DOCK3: variants seen among roughly 807,000 people sequenced by gnomAD.
DOCK3 encodes dedicator of cytokinesis protein 3.
In DOCK3, 60 loss-of-function variants were observed where a neutral mutation model predicts 265.6. The ratio of observed to expected loss-of-function variants is 0.23; its 90% CI spans 0.18 to 0.28. DOCK3 has a LOEUF of 0.28. Among genes scored for constraint, DOCK3 ranks in the 10% least tolerant of loss-of-function variants. The pLI, the probability that DOCK3 is intolerant of heterozygous loss-of-function variation, is 1.00. For synonymous variants in DOCK3, 881 were observed against 938.0 expected (o/e 0.94, Z 1.11); for missense variants, 1,981 against 2,594.3 (o/e 0.76, Z 5.14).
At position 51,261,961 on chromosome 3, in the gene DOCK3, C is replaced by T. The variant is rs568883619; in HGVS notation, c.2355+1635C>T. On this transcript the variant is annotated intron_variant, in intron 23 of 52. Transcript: ENST00000266037. ...CCCATCTCCCTGGGATAGAACACCT[C>T]GGGGAAGGGGCAGCTGTGGGCACAG... Among the ~76,000 whole-genome samples, 9 of 152,226 alleles carry T rather than the reference C, an allele frequency of 5.9e-5. No individual in the cohort carries two copies. The South Asian group carries it at 1.2e-3, about 21-fold the overall frequency.
At chr3:51,342,842 G>A (rs139985711) in intron 38 of DOCK3, among the ~76,000 whole-genome samples, 27 of 152,288 alleles carry the variant, frequency 1.8e-4, no homozygotes, top group African/African-American at 5.8e-4. Flanking sequence ...CACCTTCTCA[G>A]GAATCTCCTC....
intron 12 of DOCK3, among the ~76,000 whole-genome samples, chr3:51,204,197 GCAAAAGAAACTAC>G (rs1423841653): frequency 6.8e-6 from 1 of 146,984 alleles, no homozygotes; most frequent in African/African-American, 2.5e-5. Flanking sequence ...CTTCTGCACA[GCAAAAGAAACTAC>G]CATCAGAGTG....
chr3:51,053,082 T>G lies in DOCK3; in HGVS notation c.316-11366T>G, dbSNP rs187427294. On this transcript the variant is annotated intron_variant, in intron 5 of 52. Transcript: ENST00000266037. ...TCATCTTTTAAAAAAGTCAAAGATA[T>G]ATATATATATATATATATATATATA... is the stretch of plus-strand genomic sequence containing the variant. 5.1e-3 allele frequency among the ~76,000 whole-genome samples: 214 copies of G among 42,008 alleles called. 1 individual carries two copies. Among genetic ancestry groups the G allele is most frequent in the Non-Finnish European group, 7.9e-3 (163 of 20,714 alleles). The allele number at this position is 42,008 out of a possible 152,430, so 27.6% of individuals were successfully genotyped here.
chr3:51,362,754 C>T, intron 49 of DOCK3, 80 bp downstream of exon 49: 1 of 1,542,268 alleles, frequency 6.5e-7, no homozygotes, highest in Non-Finnish European at 8.8e-7. Context: ...TCATCTGTGG[C>T]TGTGTCTTTG....
intron 4 of DOCK3, among the ~76,000 whole-genome samples, chr3:50,914,195 T>C (rs1317390651): frequency 6.6e-6 from 1 of 152,008 alleles, no homozygotes; most frequent in African/African-American, 2.4e-5. Flanking sequence ...ATTTTGTTTA[T>C]TTCGGCTCTA....
chr3:51,068,560 A>AGAGAAG, intron 6 of DOCK3, among the ~76,000 whole-genome samples: 1 of 82,460 alleles, frequency 1.2e-5, no homozygotes, highest in Non-Finnish European at 2.2e-5. Context: ...AAAAAAAAAA[A>AGAGAAG]AAGAAGAAGA....
At chr3:51,055,362 C>T (rs971148147) in intron 5 of DOCK3, among the ~76,000 whole-genome samples, 7 of 152,186 alleles carry the variant, frequency 4.6e-5, no homozygotes, top group Non-Finnish European at 4.4e-5. Flanking sequence ...CTGATTTCTT[C>T]CCTGTTTCCC....
chr3:50,709,871 A>G (rs527629354), intron 1 of DOCK3, among the ~76,000 whole-genome samples: 74 of 152,226 alleles, frequency 4.9e-4, no homozygotes, highest in African/African-American at 1.7e-3. Context: ...AGGAAGTTCA[A>G]TTCTATTTTA....
chr3:51,205,015 G>T (rs1252827421), intron 12 of DOCK3, among the ~76,000 whole-genome samples: 6 of 151,696 alleles, frequency 4.0e-5, no homozygotes, highest in East Asian at 1.9e-4. Context: ...GGGGACTGTT[G>T]TGGGGTGGGG....
At chr3:50,936,678 A>G (rs187050018) in intron 5 of DOCK3, among the ~76,000 whole-genome samples, 190 of 152,338 alleles carry the variant, frequency 1.2e-3, no homozygotes, top group African/African-American at 4.3e-3. Flanking sequence ...AAAAAACAAA[A>G]CAGATTACCC....
intron 27 of DOCK3, among the ~76,000 whole-genome samples, chr3:51,289,909 A>G (rs2081635142): frequency 6.6e-6 from 1 of 152,266 alleles, no homozygotes; most frequent in Admixed American, 6.5e-5. Flanking sequence ...GAAGACATTT[A>G]TGCAGCCAAC....
intron 48 of DOCK3, 23 bp downstream of exon 48, chr3:51,362,020 T>C: frequency 6.3e-7 from 1 of 1,591,816 alleles, no homozygotes. Context: ...CCACGGAGAG[T>C]GGGCCAGGGC....
intron 5 of DOCK3, among the ~76,000 whole-genome samples, chr3:50,993,572 T>C (rs577391131): frequency 6.6e-6 from 1 of 152,338 alleles, no homozygotes; most frequent in East Asian, 1.9e-4. Context: ...CATGGTCTTT[T>C]TCCAGTGTTC....
At chr3:50,947,888 C>A (rs1228750670) in intron 5 of DOCK3, among the ~76,000 whole-genome samples, 1 of 145,248 alleles carries the variant, frequency 6.9e-6, no homozygotes. Context: ...TGGAGTCTTG[C>A]TCTGTTGCCC....
intron 1 of DOCK3, among the ~76,000 whole-genome samples, chr3:50,758,404 G>GATCTCTGT (rs1293531739): frequency 6.6e-6 from 1 of 151,552 alleles, no homozygotes; most frequent in Non-Finnish European, 1.5e-5. Flanking sequence ...GGATATTCTG[G>GATCTCTGT]ATCTCTGTAT....
intron 6 of DOCK3, among the ~76,000 whole-genome samples, chr3:51,068,885 G>T (rs1185950412): frequency 6.6e-6 from 1 of 152,112 alleles, no homozygotes; most frequent in African/African-American, 2.4e-5. Context: ...AACTTCCAAG[G>T]ATAGGAACTG....
intron 1 of DOCK3, among the ~76,000 whole-genome samples, chr3:50,688,764 G>A (rs1263555987): frequency 6.6e-6 from 1 of 151,970 alleles, no homozygotes; most frequent in Admixed American, 6.6e-5. Flanking sequence ...ATGCCTGGCC[G>A]GTATTTTCTT....
intron 12 of DOCK3, among the ~76,000 whole-genome samples, chr3:51,164,588 C>T (rs2086291788): frequency 7.1e-6 from 1 of 140,934 alleles, no homozygotes; most frequent in Non-Finnish European, 1.5e-5. Context: ...GGCGCCACTG[C>T]ACTCCAGCCT....
chr3:51,166,293 C>T (rs189257304), intron 12 of DOCK3, among the ~76,000 whole-genome samples: 116 of 152,116 alleles, frequency 7.6e-4, no homozygotes, highest in African/African-American at 2.7e-3. Flanking sequence ...TCAGATGATC[C>T]GCCTGCCTCA....
Sources: gnomAD v4.1 joint callset for allele counts (sites outside exome capture counted in the v4.1 genomes callset) on GRCh38, gnomAD v4.1.1 for gene constraint, MANE v1.5 for transcripts, NCBI Gene and HGNC (gene_info 2026-07-23, HGNC 2026-07-21) for gene names.